The following PARG variants were observed in gnomAD, a reference collection of about 807,000 sequenced individuals.
PARG encodes the protein mitochondrial poly(ADP-ribose) glycohydrolase.
Under a neutral mutation model 113.0 loss-of-function variants are expected in PARG, and 35 were observed. The observed-to-expected ratio is 0.31, with a 90% confidence interval of 0.24 to 0.41. The LOEUF is 0.41. Among genes scored for constraint, PARG ranks in the 10% least tolerant of loss-of-function variants. The probability of loss-of-function intolerance (pLI) is 1.00; values close to 1 mark genes in which losing one functional copy is unlikely to be tolerated. For synonymous variants in PARG, 330 were observed against 409.9 expected (o/e 0.81, Z 2.36); for missense variants, 797 against 1,169.4 (o/e 0.68, Z 4.64).
chr10:49,927,370 G>GAAAGA (rs1564664825), intron 4 of PARG, among the ~76,000 whole-genome samples: 1 of 6,618 alleles, frequency 1.5e-4, no homozygotes, highest in Non-Finnish European at 7.8e-4. Flanking sequence ...AGGAAAGAAG[G>GAAAGA]AAAGAAAGAA....
intron 15 of PARG, among the ~76,000 whole-genome samples, chr10:49,841,515 T>C (rs182842158): frequency 1.3e-5 from 2 of 152,352 alleles, no homozygotes; most frequent in South Asian, 2.1e-4. Flanking sequence ...AAATAATAGA[T>C]ACCATCATAA....
intron 6 of PARG, among the ~76,000 whole-genome samples, chr10:49,920,463 A>AATATATATAT (rs202215714): frequency 1.9e-4 from 9 of 47,974 alleles, no homozygotes; most frequent in Non-Finnish European, 4.5e-4. Flanking sequence ...AAAAAAAAAA[A>AATATATATAT]ATATATATAT....
chr10:49,921,738 CAAATAT>C (rs72284295), intron 6 of PARG, among the ~76,000 whole-genome samples: 13,068 of 150,540 alleles, frequency 0.087, 1,020 homozygotes, highest in East Asian at 0.32. Flanking sequence ...ATAGTGCCCC[CAAATAT>C]AAATATATAT....
chr10:49,856,878 G>A (rs1846017751), intron 13 of PARG, among the ~76,000 whole-genome samples: 2 of 151,428 alleles, frequency 1.3e-5, no homozygotes, highest in Admixed American at 6.6e-5. Flanking sequence ...GTGTGGTGAC[G>A]CATGCCTGTA....
At chr10:49,856,688 GTTC>G (rs1341537864) in intron 13 of PARG, among the ~76,000 whole-genome samples, 1 of 152,036 alleles carries the variant, frequency 6.6e-6, no homozygotes, top group South Asian at 2.1e-4. Flanking sequence ...ATATCACTAT[GTTC>G]TTCTTAAGAG....
At chr10:49,825,109 C>G (rs1009172042) in intron 16 of PARG, among the ~76,000 whole-genome samples, 1 of 152,144 alleles carries the variant, frequency 6.6e-6, no homozygotes, top group Admixed American at 6.5e-5. Context: ...GAGAGCTCAG[C>G]TTTGCTCACC....
chr10:49,852,764 C>T (rs1554834403), intron 13 of PARG, among the ~76,000 whole-genome samples: 1 of 151,446 alleles, frequency 6.6e-6, no homozygotes, highest in Non-Finnish European at 1.5e-5. Flanking sequence ...TGGGGTTTCA[C>T]CGTGTTAGCC....
At position 49,933,888 on chromosome 10, in the gene PARG, A is replaced by C; in HGVS notation, c.560T>G (p.Ile187Ser). 1 of 1,599,680 alleles carries C rather than the reference A, an allele frequency of 6.3e-7. No individual in the cohort carries two copies. Among genetic ancestry groups the C allele is most frequent in the Non-Finnish European group, 8.6e-7 (1 of 1,166,900 alleles). Residue 187 changes from isoleucine to serine, a missense_variant, in exon 3 of 18, where the codon ATT becomes AGT. Physicochemically the swap from Ile to Ser is moderately radical, Grantham distance 142. Transcript: ENST00000616448. ...LVPEQFSNAN[I>S]DRSPQNDDHS... Reference sequence around the variant, plus strand: ...ATCATCATTTTGAGGTGACCGATCAATGTTAGCATTACTAAACTGCTCTGG... The same window carrying C: ...ATCATCATTTTGAGGTGACCGATCACTGTTAGCATTACTAAACTGCTCTGG...
chr10:49,828,712 T>G (rs939575173), intron 16 of PARG, among the ~76,000 whole-genome samples: 3 of 152,170 alleles, frequency 2.0e-5, no homozygotes, highest in Non-Finnish European at 4.4e-5. Context: ...TTAAAGCAGT[T>G]CAAAACTAAT....
At chr10:49,908,703 T>C (rs552642715) in intron 7 of PARG, among the ~76,000 whole-genome samples, 2 of 152,258 alleles carry the variant, frequency 1.3e-5, no homozygotes, top group African/African-American at 2.4e-5. Flanking sequence ...CTACGAAGAA[T>C]GTTAAATCAA....
At chr10:49,886,847 C>CT (rs2132660281) in intron 7 of PARG, among the ~76,000 whole-genome samples, 1 of 152,170 alleles carries the variant, frequency 6.6e-6, no homozygotes, top group Non-Finnish European at 1.5e-5. Context: ...ATGACTGCCT[C>CT]TTTATAATCT....
At chr10:49,831,559 A>G (rs1048080888) in intron 16 of PARG, among the ~76,000 whole-genome samples, 4 of 152,186 alleles carry the variant, frequency 2.6e-5, no homozygotes. Flanking sequence ...GGGAGGGCAG[A>G]GACCGAGCTC....
chr10:49,893,619 C>T (rs181120254), intron 7 of PARG, among the ~76,000 whole-genome samples: 611 of 152,048 alleles, frequency 4.0e-3, no homozygotes, highest in East Asian at 0.016. Context: ...CAGGCATCAA[C>T]CCTGTCACCC....
At chr10:49,922,236 A>G in intron 6 of PARG, 100 bp downstream of exon 6, 1 of 1,254,856 alleles carries the variant, frequency 8.0e-7, no homozygotes, top group Middle Eastern at 2.7e-4. Flanking sequence ...AGCATTTTGC[A>G]TCTAAACAAT....
At chr10:49,835,976 C>T (rs1170718001) in intron 15 of PARG, among the ~76,000 whole-genome samples, 1 of 152,090 alleles carries the variant, frequency 6.6e-6, no homozygotes, top group Non-Finnish European at 1.5e-5. Flanking sequence ...TAGTAACACA[C>T]TCGACTGGTT....
At chr10:49,888,946 C>T (rs1368731732) in intron 7 of PARG, among the ~76,000 whole-genome samples, 2 of 151,894 alleles carry the variant, frequency 1.3e-5, no homozygotes, top group African/African-American at 4.8e-5. Context: ...CTTCCAAGTT[C>T]ACTGATTCTT....
intron 14 of PARG, 57 bp downstream of exon 14, chr10:49,843,497 C>G: frequency 9.1e-7 from 1 of 1,098,824 alleles, no homozygotes; most frequent in East Asian, 2.6e-5. Context: ...GTGTGAGGGT[C>G]AAGCCCAAAT....
rs1300233132 is a variant in PARG, at chr10:49,819,296, C to T, written c.*44G>A. The stretch of plus-strand genomic sequence containing the variant: ...ATTACACCTGACAGCTCAAACAGGA[C>T]GTCTCTGGTGGGAGGTGGGAGGAGA... On this transcript the variant is annotated 3_prime_UTR_variant, in exon 18 of 18. Coordinates refer to ENST00000616448, the MANE Select transcript of PARG (RefSeq NM_003631.5). 4.7e-6 allele frequency: 7 copies of T among 1,497,312 alleles called. No individual in the cohort carries two copies. Among genetic ancestry groups the T allele is most frequent in the Admixed American group, 2.1e-5 (1 of 47,668 alleles). 92.8% of individuals were successfully genotyped at this position (1,497,312 alleles called of 1,614,324 possible).
chr10:49,880,614 C>A (rs1215123122), intron 8 of PARG, among the ~76,000 whole-genome samples: 1 of 152,096 alleles, frequency 6.6e-6, no homozygotes, highest in Non-Finnish European at 1.5e-5. Context: ...TTCCAAGACC[C>A]CCAACCAACT....
Sources: gnomAD v4.1 joint callset for allele counts (sites outside exome capture counted in the v4.1 genomes callset) on GRCh38, gnomAD v4.1.1 for gene constraint, MANE v1.5 for transcripts, NCBI Gene and HGNC (gene_info 2026-07-23, HGNC 2026-07-21) for gene names.